The following NHS variants were observed in gnomAD, a reference collection of about 807,000 sequenced individuals.
NHS encodes NHS actin remodeling regulator, also known as actin remodeling regulator NHS.
In NHS, 5 loss-of-function variants were observed where a neutral mutation model predicts 72.5. That is an observed-to-expected ratio of 0.07 (90% CI 0.04 to 0.14). NHS has a LOEUF of 0.14. Among genes scored for constraint, NHS ranks in the 10% least tolerant of loss-of-function variants. The pLI is 1.00. For synonymous variants in NHS, 464 were observed against 547.7 expected (o/e 0.85, Z 2.13); for missense variants, 1,072 against 1,355.7 (o/e 0.79, Z 3.29).
At chrX:17,452,794 A>G (rs749415876) in intron 1 of NHS, among the ~76,000 whole-genome samples, 20 of 112,204 alleles carry the variant, frequency 1.8e-4, no homozygotes, top group African/African-American at 6.5e-4. Flanking sequence ...AGGGTCAGGA[A>G]CAGTTGGCAG....
intron 1 of NHS, among the ~76,000 whole-genome samples, chrX:17,408,757 G>T (rs1396375870): frequency 8.9e-6 from 1 of 111,859 alleles, no homozygotes; most frequent in African/African-American, 3.3e-5. Flanking sequence ...TACTAGGGCT[G>T]CCATAGAAAG....
intron 1 of NHS, among the ~76,000 whole-genome samples, chrX:17,644,652 T>A (rs2065897595): frequency 9.0e-6 from 1 of 111,551 alleles, no homozygotes; most frequent in Non-Finnish European, 1.9e-5. Context: ...TAGGGAGGGA[T>A]AAAGTCAGGC....
At chrX:17,398,590 C>T (rs189081110) in intron 1 of NHS, among the ~76,000 whole-genome samples, 3 of 112,342 alleles carry the variant, frequency 2.7e-5, no homozygotes, top group Non-Finnish European at 1.9e-5. Context: ...AGCTGGGTAG[C>T]TCTTCTAGTT....
intron 1 of NHS, among the ~76,000 whole-genome samples, chrX:17,632,997 A>T (rs1188971199): frequency 8.0e-5 from 9 of 111,887 alleles, no homozygotes; most frequent in African/African-American, 2.9e-4. Flanking sequence ...AAGTGTTTTG[A>T]TGTAGAGAGA....
At position 17,728,269 on chromosome X, in the gene NHS, C is replaced by A. The variant is rs1045213850; in HGVS notation, c.4163C>A (p.Ala1388Asp). 1.7e-6 allele frequency: 2 copies of A among 1,211,692 alleles called. No individual in the cohort carries two copies. The highest frequency in any genetic ancestry group is 3.5e-5 in the South Asian group (2 of 56,956). ...GCTTCAGGTATTTCAGCCAAAAGTG[C>A]CTCTGATAACAGCAAAGCAGAGGAG... ...NIASGISAKS[A>D]SDNSKAEETQ... The change falls in exon 7 of 9, where the codon GCC (alanine) becomes GAC (aspartate). Residue 1388 changes from alanine (A) to aspartate (D), a missense_variant. Physicochemically the swap from Ala to Asp is moderately radical, Grantham distance 126. Transcript: ENST00000676302.
chrX:17,427,803 T>A (rs2064665132), intron 1 of NHS, among the ~76,000 whole-genome samples: 1 of 112,577 alleles, frequency 8.9e-6, no homozygotes. Context: ...TTTTAAAAAA[T>A]CAAGCACCCC....
At chrX:17,631,285 G>A (rs1569296984) in intron 1 of NHS, among the ~76,000 whole-genome samples, 1 of 112,002 alleles carries the variant, frequency 8.9e-6, no homozygotes, top group Non-Finnish European at 1.9e-5. Flanking sequence ...TTACCATGGA[G>A]TTTTCCAAAA....
chrX:17,541,348 C>G (rs1198788490), intron 1 of NHS, among the ~76,000 whole-genome samples: 1 of 111,755 alleles, frequency 8.9e-6, no homozygotes, highest in African/African-American at 3.3e-5. Context: ...GCGTAAAATG[C>G]TTTAGTGGAC....
intron 1 of NHS, among the ~76,000 whole-genome samples, chrX:17,655,846 G>A (rs941273062): frequency 8.8e-6 from 1 of 113,073 alleles, no homozygotes; most frequent in Non-Finnish European, 1.9e-5. Context: ...GATGGAGCGC[G>A]CCGTGCGCAG....
At position 17,718,106 on chromosome X, in the gene NHS, T is replaced by C. The variant is rs772146608; in HGVS notation, c.853-1238T>C. Among the ~76,000 whole-genome samples, 40 of 110,833 alleles carry C rather than the reference T, an allele frequency of 3.6e-4. 1 individual carries two copies. Among genetic ancestry groups the C allele is most frequent in the African/African-American group, 1.3e-3 (39 of 30,483 alleles). On this transcript the variant is annotated intron_variant, in intron 3 of 8. Coordinates refer to ENST00000676302, the MANE Select transcript of NHS (RefSeq NM_001291867.2). ...ACGATTCTTCTAAGTCTATTACATA[T>C]ACTTTACTCATTTAATCCTCAAAAC... is the stretch of plus-strand genomic sequence containing the variant.
Position 17,731,896 on chromosome X carries a change from A to T in NHS, c.4388A>T (p.Asp1463Val). 4 of 1,206,846 alleles carry T rather than the reference A, an allele frequency of 3.3e-6. No homozygotes were observed. The highest frequency in any genetic ancestry group is 3.4e-6 in the Non-Finnish European group (3 of 892,421). Residue 1463 changes from aspartate (D) to valine (V), a missense_variant, in exon 9 of 9, where the codon GAC (aspartate) becomes GTC (valine). Transcript: ENST00000676302. ...GTACTTGGAAGAAAAGATTCCGGGGACATGTCTGTTCGAAGCAAATCGAGA... is the reference window on the plus strand; with the variant it reads ...GTACTTGGAAGAAAAGATTCCGGGGTCATGTCTGTTCGAAGCAAATCGAGA... ...RKVLGRKDSG[D>V]MSVRSKSRAP...
At chrX:17,710,641 G>A (rs2066324882) in intron 3 of NHS, among the ~76,000 whole-genome samples, 1 of 111,622 alleles carries the variant, frequency 9.0e-6, no homozygotes, top group South Asian at 3.8e-4. Context: ...GGGGGAGGTT[G>A]TGACTATAAC....
At chrX:17,686,489 C>G (rs2066163620) in intron 1 of NHS, among the ~76,000 whole-genome samples, 1 of 112,066 alleles carries the variant, frequency 8.9e-6, no homozygotes, top group Admixed American at 9.4e-5. Context: ...AAAGACGAGC[C>G]TAAGGGAAGG....
intron 1 of NHS, among the ~76,000 whole-genome samples, chrX:17,516,571 G>GCACGCA (rs2065121842): frequency 1.1e-5 from 1 of 91,764 alleles, no homozygotes; most frequent in South Asian, 5.6e-4. Flanking sequence ...ACACACACGC[G>GCACGCA]CACACACACA....
At chrX:17,403,664 G>A (rs1420846977) in intron 1 of NHS, among the ~76,000 whole-genome samples, 2 of 112,280 alleles carry the variant, frequency 1.8e-5, no homozygotes, top group African/African-American at 6.5e-5. Context: ...AGATGAATGT[G>A]GGAAATAAAC....
intron 4 of NHS, among the ~76,000 whole-genome samples, chrX:17,719,723 C>T (rs1408624380): frequency 9.0e-6 from 1 of 111,178 alleles, no homozygotes; most frequent in African/African-American, 3.3e-5. Context: ...AAATGTTCAG[C>T]TTCTCAAATC....
rs1278511688 is a variant in NHS at position 17,726,104 on chromosome X, G to A, written c.1998G>A (p.Glu666=). The change falls in exon 7 of 9, where the codon GAG becomes GAA. Residue 666 remains glutamate, a synonymous_variant. Transcript: ENST00000676302. ...PLTGSSHCDS[E]LSLNTAPHAN... Reference sequence around the variant, plus strand: ...CTGGCTCTTCACACTGTGACTCGGAGTTGTCACTAAACACAGCCCCTCATG... The same window carrying A: ...CTGGCTCTTCACACTGTGACTCGGAATTGTCACTAAACACAGCCCCTCATG... 1.3e-5 allele frequency: 16 copies of A among 1,210,235 alleles called. No individual in the cohort carries two copies. Among genetic ancestry groups the A allele is most frequent in the Non-Finnish European group, 1.8e-5 (16 of 895,282 alleles).
At chrX:17,595,256 C>T (rs1234028003) in intron 1 of NHS, among the ~76,000 whole-genome samples, 2 of 111,739 alleles carry the variant, frequency 1.8e-5, no homozygotes, top group Non-Finnish European at 3.8e-5. Context: ...AAGCAAGGAT[C>T]CTTTCCATGA....
chrX:17,512,496 A>G (rs988402822), intron 1 of NHS, among the ~76,000 whole-genome samples: 24 of 111,715 alleles, frequency 2.1e-4, no homozygotes, highest in Admixed American at 2.1e-3. Context: ...TTAACACCAG[A>G]TATGGATGGT....
Sources: gnomAD v4.1 joint callset for allele counts (sites outside exome capture counted in the v4.1 genomes callset) on GRCh38, gnomAD v4.1.1 for gene constraint, MANE v1.5 for transcripts, NCBI Gene and HGNC (gene_info 2026-07-23, HGNC 2026-07-21) for gene names.